IST1: variants seen among roughly 807,000 people sequenced by gnomAD.
IST1 encodes the protein IST1 homolog.
Under a neutral mutation model 37.0 loss-of-function variants are expected in IST1, and 23 were observed. That is an observed-to-expected ratio of 0.62 (90% CI 0.45 to 0.88). The LOEUF is 0.88. Among genes scored for constraint, IST1 ranks in the 40% least tolerant of loss-of-function variants. The pLI is 0.00. For synonymous variants in IST1, 180 were observed against 161.7 expected, an observed-to-expected ratio of 1.11 and a Z score of -0.86; for missense variants, 488 against 445.4, an observed-to-expected ratio of 1.10 and a Z score of -0.86.
chr16:71,895,163 C>A, upstream of IST1: 1 of 252,456 alleles, frequency 4.0e-6, no homozygotes, highest in Non-Finnish European at 7.8e-6. Flanking sequence ...GTCAGAGAGG[C>A]GGTACTGGCA....
At chr16:71,894,588 T>C (rs2036927292), upstream of IST1, 1 of 433,456 alleles carries the variant, frequency 2.3e-6, no homozygotes, top group African/African-American at 2.1e-5. Flanking sequence ...TGCTGTGACG[T>C]GATCACGGTT....
rs969366023 is a variant in IST1 at position 71,907,183 on chromosome 16, CTTTCT to C, written c.-15-8439_-15-8435del. On this transcript the variant is annotated intron_variant, in intron 1 of 9. Transcript: ENST00000378799. ...GGGAAGTTTTCAGGCAGTATTTTTTCTTTCTTTTTTTTTTTTTTAAATCGAGATCT... is the reference window on the plus strand; with the variant it reads ...GGGAAGTTTTCAGGCAGTATTTTTTCTTTTTTTTTTTTTAAATCGAGATCT... Among the ~76,000 whole-genome samples, 7 of 100,138 alleles carry C rather than the reference CTTTCT, an allele frequency of 7.0e-5. No individual in the cohort carries two copies. In the East Asian group the frequency reaches 1.5e-3, roughly 22 times the overall value. The allele number at this position is 100,138 out of a possible 152,430, so 65.7% of individuals were successfully genotyped here.
At chr16:71,925,609 C>T (rs550509075) in intron 9 of IST1, among the ~76,000 whole-genome samples, 4 of 152,196 alleles carry the variant, frequency 2.6e-5, no homozygotes, top group East Asian at 1.9e-4. Flanking sequence ...CCACCGTGCC[C>T]GGCCAGCTCA....
intron 5 of IST1, 108 bp downstream of exon 5, chr16:71,920,930 C>T: frequency 1.2e-6 from 1 of 833,548 alleles, no homozygotes; most frequent in Non-Finnish European, 2.1e-6. Flanking sequence ...TGGGGTTTCA[C>T]CTTTCATAGT....
At position 71,930,743 on chromosome 16, in the gene IST1, G is replaced by A. The variant is rs527953120; in HGVS notation, c.*2930G>A. 27 of 152,124 alleles carry A rather than the reference G, an allele frequency of 1.8e-4. No homozygotes were observed. The highest frequency in any genetic ancestry group is 6.5e-4 in the African/African-American group (27 of 41,490). The allele number at this position is 152,124 out of a possible 1,614,324, so 9.4% of individuals were successfully genotyped here. A position where few individuals can be genotyped will look rare whatever the true frequency, so the allele number is the denominator to read the frequency against. On this transcript the variant is annotated 3_prime_UTR_variant, in exon 10 of 10. Transcript: ENST00000378799. ...TGCATACATAAATATCAAGTTCTGG[G>A]CTTATTGGAATGGTTCCCATAACAA...
chr16:71,928,168 G>A lies in IST1; in HGVS notation c.*355G>A. 3.3e-6 allele frequency: 1 copy of A among 300,640 alleles called. No homozygotes were observed. The highest frequency in any genetic ancestry group is 3.4e-5 in the South Asian group (1 of 29,298). 18.6% of individuals were successfully genotyped at this position (300,640 alleles called of 1,614,324 possible). A position where few individuals can be genotyped will look rare whatever the true frequency, so the allele number is the denominator to read the frequency against. Reference sequence around the variant, plus strand: ...GACCACCAAAGATGGCTGGACAGTGGGAGAGAGCACGTTGTGAAGCATCCC... The same window carrying A: ...GACCACCAAAGATGGCTGGACAGTGAGAGAGAGCACGTTGTGAAGCATCCC... On this transcript the variant is annotated 3_prime_UTR_variant, in exon 10 of 10. Coordinates refer to ENST00000378799, the MANE Select transcript of IST1 (RefSeq NM_001270975.2).
rs1260775710 is a variant in IST1, at chr16:71,913,218, CCCA to C, written c.-15-2404_-15-2402del. ...CATAATGGTTGTACCGTTTTGCAAT[CCCA>C]CCAACAGTGCACAAGGGTTCCATTT... is the stretch of plus-strand genomic sequence containing the variant. On this transcript the variant is annotated intron_variant, in intron 1 of 9. Transcript: ENST00000378799. Among the ~76,000 whole-genome samples, 12 of 152,112 alleles carry C rather than the reference CCCA, an allele frequency of 7.9e-5. No individual in the cohort carries two copies. In the East Asian group the frequency reaches 1.9e-3, roughly 24 times the overall value.
In IST1 at chr16:71,905,917, C is replaced by T. The variant is rs952614242; in HGVS notation, c.-15-9709C>T. ...AGAGCCATCTGTAACAGATATTCGC[C>T]GTTTCTGTAACTCTTGCTTTATAAT... On this transcript the variant is annotated intron_variant, in intron 1 of 9. Transcript: ENST00000378799. Among the ~76,000 whole-genome samples, 4 of 151,930 alleles carry T rather than the reference C, an allele frequency of 2.6e-5. No homozygotes were observed. The East Asian group carries it at 5.8e-4, about 22-fold the overall frequency.
chr16:71,906,662 A>G (rs1195171955), intron 1 of IST1, among the ~76,000 whole-genome samples: 1 of 152,040 alleles, frequency 6.6e-6, no homozygotes, highest in African/African-American at 2.4e-5. Flanking sequence ...TTCTCTTACT[A>G]GTTTTCCCTC....
At chr16:71,895,260 C>T (rs920518998), upstream of IST1, 2 of 157,672 alleles carry the variant, frequency 1.3e-5, no homozygotes, top group East Asian at 1.9e-4. Context: ...TGTGGCTGGC[C>T]TCCCCGCGCC....
In IST1 at chr16:71,896,975, G is replaced by GAA. The variant is rs34791226; in HGVS notation, c.-16+1396_-16+1397dup. On this transcript the variant is annotated intron_variant, in intron 1 of 9. Coordinates refer to ENST00000378799, the MANE Select transcript of IST1 (RefSeq NM_001270975.2). The stretch of plus-strand genomic sequence containing the variant: ...CAGAGTGAGACCCTGTGTAAAAAAA[G>GAA]AAAAAAAAAAAGAAATTAAAACACT... 5.1e-3 allele frequency among the ~76,000 whole-genome samples: 752 copies of GAA among 146,742 alleles called. 4 individuals are homozygous for GAA. The highest frequency in any genetic ancestry group is 0.017 in the Middle Eastern group (5 of 288).
intron 8 of IST1, chr16:71,924,555 C>T (rs2037691007): frequency 1.0e-5 from 6 of 594,662 alleles, no homozygotes; most frequent in Non-Finnish European, 1.8e-5. Flanking sequence ...TGTATCACTG[C>T]ACTCCAGCCT....
rs780461351 is a variant in IST1, at chr16:71,930,178, G to T, written c.*2365G>T. The T allele has an allele frequency of 3.3e-6, 5 of 1,537,718 alleles. No homozygotes were observed. Among genetic ancestry groups the T allele is most frequent in the Admixed American group, 2.2e-5 (1 of 46,350 alleles). On this transcript the variant is annotated 3_prime_UTR_variant, in exon 10 of 10. Coordinates refer to ENST00000378799, the MANE Select transcript of IST1 (RefSeq NM_001270975.2). ...AGGTGCCCAGGACTGGGTCTAAAGC[G>T]AAAACCTGGGAAAACAATAAGAACA... is the stretch of plus-strand genomic sequence containing the variant.
At chr16:71,920,581 T>G (rs1261063012) in intron 4 of IST1, among the ~76,000 whole-genome samples, 158 bp from the exon 5 acceptor site, 2 of 152,230 alleles carry the variant, frequency 1.3e-5, no homozygotes, top group African/African-American at 4.8e-5. Context: ...GATGGATGGA[T>G]GAACAAATAG....
chr16:71,908,516 C>T (rs1173444201), intron 1 of IST1, among the ~76,000 whole-genome samples: 6 of 151,994 alleles, frequency 3.9e-5, no homozygotes, highest in Non-Finnish European at 5.9e-5. Context: ...AGGCTGGTCT[C>T]GAATACCACC....
At chr16:71,916,754 A>C in intron 3 of IST1, 112 bp downstream of exon 3, 1 of 894,868 alleles carries the variant, frequency 1.1e-6, no homozygotes, top group Non-Finnish European at 1.7e-6. Context: ...TCTGCTGCCT[A>C]ACAGTTGCTG....
At chr16:71,924,569 T>G (rs2037691512) in intron 8 of IST1, 200 bp from the exon 9 acceptor site, 1 of 601,220 alleles carries the variant, frequency 1.7e-6, no homozygotes, top group Non-Finnish European at 3.0e-6. Flanking sequence ...CCAGCCTGGG[T>G]GACAGGAGAC....
rs767359631 is a variant in IST1, at chr16:71,930,094, C to A, written c.*2281C>A. On this transcript the variant is annotated 3_prime_UTR_variant, in exon 10 of 10. Coordinates refer to ENST00000378799, the MANE Select transcript of IST1 (RefSeq NM_001270975.2). ...CTTTTCCAAAGGCCATGAGAATGGC[C>A]GAAACGAAAAGATTAATTACCACAA... The A allele has an allele frequency of 6.4e-7, 1 of 1,551,006 alleles. No individual in the cohort carries two copies. Among genetic ancestry groups the A allele is most frequent in the South Asian group, 1.2e-5 (1 of 84,012 alleles).
rs750782141 is a variant in IST1, at chr16:71,922,579, C to G, written c.658C>G (p.Pro220Ala). ...AGGAGGGAGTGGTGGCTTCACAGCA[C>G]CAGTTGGTGGACCTGATGGAACGGT... The part of the protein sequence containing the change: ...GRGGSGGFTA[P>A]VGGPDGTVPM... Residue 220 changes from proline (P) to alanine (A), a missense_variant, in exon 7 of 10, where the codon CCA becomes GCA. Pro to Ala is a conservative substitution (Grantham distance 27, BLOSUM62 -1). This residue lies in a region of IST1 where 455 missense variants were observed against 386.2 expected (regional missense o/e 1.18). Coordinates refer to ENST00000378799, the MANE Select transcript of IST1 (RefSeq NM_001270975.2). The G allele has an allele frequency of 3.1e-6, 5 of 1,613,912 alleles. No individual in the cohort carries two copies. Among genetic ancestry groups the G allele is most frequent in the Middle Eastern group, 1.6e-4 (1 of 6,062 alleles).
Sources: allele counts gnomAD v4.1 joint callset (sites outside exome capture counted in the v4.1 genomes callset), GRCh38; gene constraint gnomAD v4.1.1; regional missense constraint gnomAD v4.1.1; transcripts MANE v1.5; gene names NCBI Gene and HGNC (gene_info 2026-07-23, HGNC 2026-07-21).